VPS13C: variants seen among roughly 807,000 people sequenced by gnomAD.
VPS13C encodes vacuolar protein sorting 13 homolog C, also known as intermembrane lipid transfer protein VPS13C.
A neutral mutation model predicts 456.8 loss-of-function variants in VPS13C; 358 were observed. That is an observed-to-expected ratio of 0.78 (90% CI 0.72 to 0.86). The LOEUF (loss-of-function observed/expected upper bound fraction) is 0.86, where lower values mean the gene tolerates loss of function less well. Ranked by LOEUF, VPS13C falls within the 40% of genes least tolerant of loss-of-function variation. VPS13C has a pLI of 0.00. For missense variants in VPS13C, 4,818 were observed against 4,385.4 expected (o/e 1.10, Z -2.79); for synonymous variants, 1,578 against 1,486.7 (o/e 1.06, Z -1.41).
chr15:61,910,884 A>G (rs1166844640), intron 63 of VPS13C, among the ~76,000 whole-genome samples: 1 of 152,152 alleles, frequency 6.6e-6, no homozygotes, highest in African/African-American at 2.4e-5. Flanking sequence ...AATACTAAGT[A>G]AATTCTATTT....
chr15:61,990,471 AAGT>A (rs1170406975), intron 18 of VPS13C, among the ~76,000 whole-genome samples: 7 of 152,198 alleles, frequency 4.6e-5, no homozygotes, highest in Non-Finnish European at 1.0e-4. Flanking sequence ...GCACTATAAT[AAGT>A]ACTTTTGTCA....
At chr15:61,967,505 G>T in intron 28 of VPS13C, 58 bp from the exon 29 acceptor site, 1 of 1,340,490 alleles carries the variant, frequency 7.5e-7, no homozygotes, top group South Asian at 1.3e-5. Flanking sequence ...TTTGTAATTT[G>T]AAACATTTTA....
At chr15:62,010,674 C>A in intron 12 of VPS13C, 75 bp from the exon 13 acceptor site, 1 of 1,349,384 alleles carries the variant, frequency 7.4e-7, no homozygotes, top group East Asian at 2.6e-5. Flanking sequence ...ATTATGAGAA[C>A]ACTGTTACTC....
At chr15:61,919,150 TTA>T in intron 58 of VPS13C, 137 bp downstream of exon 58, 1 of 816,512 alleles carries the variant, frequency 1.2e-6, no homozygotes, top group Non-Finnish European at 1.8e-6. Context: ...CTGTTACTAT[TTA>T]TTTCTGAATA....
chr15:62,035,853 G>C (rs540440582), intron 3 of VPS13C, among the ~76,000 whole-genome samples: 2 of 152,094 alleles, frequency 1.3e-5, no homozygotes, highest in South Asian at 4.1e-4. Flanking sequence ...GATGAACTAT[G>C]GCCCTAATAT....
chr15:61,986,518 T>A (rs1010864771), intron 18 of VPS13C, among the ~76,000 whole-genome samples: 1 of 151,958 alleles, frequency 6.6e-6, no homozygotes, highest in Non-Finnish European at 1.5e-5. Context: ...TATGAAAAGA[T>A]CCCACTATGT....
intron 16 of VPS13C, among the ~76,000 whole-genome samples, chr15:61,999,869 A>G (rs2046542410): frequency 6.7e-6 from 1 of 150,252 alleles, no homozygotes; most frequent in South Asian, 2.1e-4. Flanking sequence ...GAGAGAAGGA[A>G]GAAGGAAGGG....
In VPS13C at chr15:62,020,557, T is replaced by C. The variant is rs1458903859; in HGVS notation, c.625-19A>G. 6.2e-7 allele frequency: 1 copy of C among 1,609,880 alleles called. No homozygotes were observed. The highest frequency in any genetic ancestry group is 1.1e-5 in the South Asian group (1 of 90,754). ...CAGTGACCTACCAAAGAAGAAAAGA[T>C]AACAGTAAAATATGCTGATGGTGAA... On this transcript the variant is annotated intron_variant, in intron 8 of 84. Transcript: ENST00000644861.
At chr15:61,949,787 ACT>A (rs2044725786) in intron 41 of VPS13C, among the ~76,000 whole-genome samples, 182 bp from the exon 42 acceptor site, 1 of 152,126 alleles carries the variant, frequency 6.6e-6, no homozygotes, top group Admixed American at 6.5e-5. Context: ...TAATAAATCA[ACT>A]CTCTGCTCAC....
At chr15:61,865,765 CGTGTGTATATATGT>C in intron 81 of VPS13C, 1 of 682,242 alleles carries the variant, frequency 1.5e-6, no homozygotes, top group Non-Finnish European at 1.8e-6. Context: ...CATATATGTA[CGTGTGTATATATGT>C]ATGTGTATAT....
chr15:62,008,790 A>G (rs1204375570), intron 13 of VPS13C, 29 bp from the exon 14 acceptor site: 1 of 1,295,550 alleles, frequency 7.7e-7, no homozygotes, highest in Non-Finnish European at 1.1e-6. Flanking sequence ...AATTATATTT[A>G]TTACACTGTA....
chr15:62,011,996 T>A, intron 12 of VPS13C, 111 bp downstream of exon 12: 2 of 667,750 alleles, frequency 3.0e-6, no homozygotes, highest in Non-Finnish European at 5.1e-6. Context: ...TAGTAAGGTA[T>A]AAAATTAATA....
chr15:61,945,760 AC>A lies in VPS13C; in HGVS notation c.5102del (p.Gly1701ValfsTer16), dbSNP rs1200245573. The A allele has an allele frequency of 6.2e-7, 1 of 1,609,610 alleles. No individual in the cohort carries two copies. The highest frequency in any genetic ancestry group is 1.7e-5 in the Admixed American group (1 of 59,170). On this transcript the variant is annotated frameshift_variant, in exon 45 of 85. Transcript: ENST00000644861. LOFTEE classifies it high-confidence loss of function. ...TATGAACATAAACAATCTGAATACAACCCACTTTAAAACTAAGTTTGCCGTC... is the reference window on the plus strand; with the variant it reads ...TATGAACATAAACAATCTGAATACAACCACTTTAAAACTAAGTTTGCCGTC... ...KVDGKLSFKV[G>X]CIQIVYVHKF...
At chr15:61,950,654 G>A (rs1292146377) in intron 40 of VPS13C, among the ~76,000 whole-genome samples, 1 of 151,580 alleles carries the variant, frequency 6.6e-6, no homozygotes, top group Non-Finnish European at 1.5e-5. Flanking sequence ...GGAAATGCTA[G>A]TATATCTAGA....
chr15:61,879,161 T>C (rs1055538074), intron 73 of VPS13C, among the ~76,000 whole-genome samples: 4 of 152,074 alleles, frequency 2.6e-5, no homozygotes, highest in Non-Finnish European at 1.5e-5. Flanking sequence ...TTTAAAAGTA[T>C]AATAAGGCTT....
intron 66 of VPS13C, among the ~76,000 whole-genome samples, chr15:61,894,240 G>A (rs1432843648): frequency 1.3e-5 from 2 of 151,926 alleles, no homozygotes; most frequent in African/African-American, 4.8e-5. Flanking sequence ...CCAAGGAGGT[G>A]GAGGTTGCAG....
At position 61,896,404 on chromosome 15, in the gene VPS13C, C is replaced by T. The variant is rs1038463161; in HGVS notation, c.9106-6004G>A. ...GGTCAGTGGGTGCACGCATGGTGCGCGAGCCGAAGCAGGGTGAGGCATTGC... is the reference window on the plus strand; with the variant it reads ...GGTCAGTGGGTGCACGCATGGTGCGTGAGCCGAAGCAGGGTGAGGCATTGC... On this transcript the variant is annotated intron_variant, in intron 66 of 84. Transcript: ENST00000644861. 9.9e-5 allele frequency among the ~76,000 whole-genome samples: 15 copies of T among 152,140 alleles called. No individual in the cohort carries two copies. In the South Asian group the frequency reaches 1.2e-3, roughly 13 times the overall value.
At chr15:61,923,658 ATTG>A (rs1242980302) in intron 53 of VPS13C, among the ~76,000 whole-genome samples, 2 of 151,194 alleles carry the variant, frequency 1.3e-5, no homozygotes, top group Admixed American at 1.3e-4. Flanking sequence ...GTATTCCTTT[ATTG>A]TTCACTTCTC....
chr15:62,050,564 A>T (rs2048583524), intron 1 of VPS13C, among the ~76,000 whole-genome samples: 1 of 152,220 alleles, frequency 6.6e-6, no homozygotes. Context: ...TTGGGAGACC[A>T]AGGCGATTGG....
Sources: gnomAD v4.1 joint callset for allele counts (sites outside exome capture counted in the v4.1 genomes callset) on GRCh38, gnomAD v4.1.1 for gene constraint, MANE v1.5 for transcripts, NCBI Gene and HGNC (gene_info 2026-07-23, HGNC 2026-07-21) for gene names.